DLGAP2: variants seen among roughly 807,000 people sequenced by gnomAD.
DLGAP2 encodes the protein disks large-associated protein 2.
Under a neutral mutation model 100.3 loss-of-function variants are expected in DLGAP2, and 26 were observed. The observed-to-expected ratio is 0.26, with a 90% confidence interval of 0.19 to 0.36. The LOEUF (loss-of-function observed/expected upper bound fraction) is 0.36, where lower values mean the gene tolerates loss of function less well. Among genes scored for constraint, DLGAP2 ranks in the 10% least tolerant of loss-of-function variants. The probability of loss-of-function intolerance (pLI) is 1.00; values close to 1 mark genes in which losing one functional copy is unlikely to be tolerated. For missense variants in DLGAP2, 1,858 were observed against 1,453.2 expected (o/e 1.28, Z -4.53); for synonymous variants, 886 against 630.1 (o/e 1.41, Z -6.08).
intron 11 of DLGAP2, 108 bp downstream of exon 11, chr8:1,676,726 T>A: frequency 9.3e-7 from 1 of 1,077,144 alleles, no homozygotes. Context: ...CCTGTCCTTG[T>A]GGAAACAGGG....
At chr8:1,041,637 C>T (rs1455442986) in intron 2 of DLGAP2, among the ~76,000 whole-genome samples, 2 of 95,094 alleles carry the variant, frequency 2.1e-5, no homozygotes, top group Admixed American at 2.1e-4. Context: ...GAGTGTTCTC[C>T]GAGCCCCTTG....
chr8:1,697,372 G>A (rs1799427806), intron 14 of DLGAP2, 73 bp downstream of exon 14: 1 of 1,505,700 alleles, frequency 6.6e-7, no homozygotes, highest in African/African-American at 1.4e-5. Flanking sequence ...GCTGCAGATA[G>A]AGCATGACAA....
At chr8:1,376,058 G>A (rs13259834) in intron 3 of DLGAP2, among the ~76,000 whole-genome samples, 3,239 of 28,292 alleles carry the variant, frequency 0.11, 303 homozygotes, top group Middle Eastern at 0.19. Context: ...CCTCTCCACG[G>A]CCTCAGAACT....
chr8:939,722 G>A (rs1441700664), intron 2 of DLGAP2, among the ~76,000 whole-genome samples: 11 of 30,130 alleles, frequency 3.7e-4, no homozygotes, highest in East Asian at 9.6e-4. Context: ...GCAGACACAG[G>A]GGGGCTGGGG....
intron 1 of DLGAP2, among the ~76,000 whole-genome samples, chr8:803,411 C>CT (rs1339082560): frequency 1.3e-5 from 2 of 152,014 alleles, no homozygotes; most frequent in Non-Finnish European, 2.9e-5. Flanking sequence ...CATGTATTGT[C>CT]TTTTTTCCAC....
At position 1,697,209 on chromosome 8, in the gene DLGAP2, G is replaced by C. The variant is rs1169614282; in HGVS notation, c.2859G>C (p.Gln953His). The change falls in exon 14 of 15, where the codon CAG becomes CAC. Residue 953 changes from glutamine to histidine, a missense_variant. Transcript: ENST00000637795. ...TGGCCGGCTACTGGGACATGCTGCAGCTCTCCATTGAGGACGTCAGCATGA... is the reference window on the plus strand; with the variant it reads ...TGGCCGGCTACTGGGACATGCTGCACCTCTCCATTGAGGACGTCAGCATGA... ...QDLAGYWDMLQLSIEDVSMKF... is the reference protein window; with the variant it reads ...QDLAGYWDMLHLSIEDVSMKF... The C allele has an allele frequency of 1.2e-6, 2 of 1,611,216 alleles. No homozygotes were observed. Among genetic ancestry groups the C allele is most frequent in the Non-Finnish European group, 1.7e-6 (2 of 1,178,450 alleles).
intron 6 of DLGAP2, among the ~76,000 whole-genome samples, chr8:1,571,068 G>T (rs1439758427): frequency 4.4e-3 from 531 of 120,984 alleles, no homozygotes; most frequent in African/African-American, 0.012. Flanking sequence ...GGGGGCATCT[G>T]ATGAGATGGG....
At chr8:1,694,033 G>A (rs561633369) in intron 13 of DLGAP2, among the ~76,000 whole-genome samples, 36 of 152,316 alleles carry the variant, frequency 2.4e-4, no homozygotes, top group African/African-American at 7.2e-4. Context: ...AGCCCAAGGT[G>A]CATATTCAGA....
intron 3 of DLGAP2, among the ~76,000 whole-genome samples, chr8:1,438,875 G>T (rs925240298): frequency 2.0e-4 from 31 of 152,142 alleles, no homozygotes; most frequent in East Asian, 1.9e-4. Context: ...TACCAATATC[G>T]TAATATTCAC....
chr8:1,067,898 C>T (rs543579934), intron 2 of DLGAP2, among the ~76,000 whole-genome samples: 21 of 152,178 alleles, frequency 1.4e-4, no homozygotes, highest in African/African-American at 4.8e-4. Context: ...CACACCCCCC[C>T]ATTACAGCAG....
At chr8:940,143 C>T (rs1175671136) in intron 2 of DLGAP2, among the ~76,000 whole-genome samples, 2 of 152,092 alleles carry the variant, frequency 1.3e-5, no homozygotes, top group African/African-American at 4.8e-5. Flanking sequence ...GGCCTGAAGA[C>T]ATGGCTTATG....
At chr8:1,270,230 C>T (rs1799552827) in intron 3 of DLGAP2, among the ~76,000 whole-genome samples, 1 of 152,108 alleles carries the variant, frequency 6.6e-6, no homozygotes, top group East Asian at 1.9e-4. Context: ...AATATGAGAG[C>T]TGTGAACCGT....
chr8:1,528,947 T>C (rs761819034), intron 4 of DLGAP2, among the ~76,000 whole-genome samples: 2 of 152,266 alleles, frequency 1.3e-5, no homozygotes, highest in Non-Finnish European at 2.9e-5. Context: ...TCCTCACTTA[T>C]TGATTCCTAG....
chr8:1,457,021 C>G (rs1056070720), intron 3 of DLGAP2, among the ~76,000 whole-genome samples: 3 of 152,228 alleles, frequency 2.0e-5, no homozygotes, highest in African/African-American at 7.2e-5. Context: ...CTGCTTGGCT[C>G]TGGGCCTGCA....
intron 4 of DLGAP2, among the ~76,000 whole-genome samples, chr8:1,522,881 GA>G (rs1317554247): frequency 6.6e-6 from 1 of 152,262 alleles, no homozygotes; most frequent in Non-Finnish European, 1.5e-5. Flanking sequence ...ATTTTGGCAT[GA>G]AAATTAGGGA....
At chr8:1,339,473 C>A (rs1219502037) in intron 3 of DLGAP2, among the ~76,000 whole-genome samples, 1 of 152,218 alleles carries the variant, frequency 6.6e-6, no homozygotes. Flanking sequence ...CACAGGGACC[C>A]TCCCTTGGTG....
intron 2 of DLGAP2, among the ~76,000 whole-genome samples, chr8:1,213,136 A>G (rs1448043550): frequency 6.6e-6 from 1 of 152,104 alleles, no homozygotes; most frequent in Non-Finnish European, 1.5e-5. Flanking sequence ...GAATCACATC[A>G]TCCTCAAGTC....
At chr8:911,227 A>G (rs1239496548) in intron 2 of DLGAP2, among the ~76,000 whole-genome samples, 3 of 152,182 alleles carry the variant, frequency 2.0e-5, no homozygotes, top group Non-Finnish European at 2.9e-5. Context: ...GACATGGCCT[A>G]AGCGGTGCGT....
At chr8:1,503,734 T>G (rs1026138664) in intron 4 of DLGAP2, among the ~76,000 whole-genome samples, 7 of 152,228 alleles carry the variant, frequency 4.6e-5, no homozygotes, top group African/African-American at 1.7e-4. Flanking sequence ...GCCTCTACAG[T>G]CTTGCCATGG....
Sources: allele counts gnomAD v4.1 joint callset (sites outside exome capture counted in the v4.1 genomes callset), GRCh38; gene constraint gnomAD v4.1.1; transcripts MANE v1.5; gene names NCBI Gene and HGNC (gene_info 2026-07-23, HGNC 2026-07-21).